The following DCC variants were observed in gnomAD, a reference collection of about 807,000 sequenced individuals.
The protein encoded by DCC is netrin receptor DCC.
Under a neutral mutation model 172.5 loss-of-function variants are expected in DCC, and 58 were observed. The ratio of observed to expected loss-of-function variants is 0.34; its 90% CI spans 0.27 to 0.42. The LOEUF is 0.42. Ranked by LOEUF, DCC falls within the 10% of genes least tolerant of loss-of-function variation. The pLI, the probability that DCC is intolerant of heterozygous loss-of-function variation, is 1.00. For missense variants in DCC, 1,740 were observed against 1,791.0 expected (o/e 0.97, Z 0.51); for synonymous variants, 709 against 644.5 (o/e 1.10, Z -1.52).
chr18:52,822,397 T>C (rs1478755059), intron 2 of DCC, among the ~76,000 whole-genome samples: 1 of 152,192 alleles, frequency 6.6e-6, no homozygotes. Flanking sequence ...ATAATCCACC[T>C]AGTTTCAGGC....
At position 52,899,761 on chromosome 18, in the gene DCC, G is replaced by T. The variant is rs1371602596; in HGVS notation, c.413-6283G>T. 2.0e-5 allele frequency among the ~76,000 whole-genome samples: 3 copies of T among 152,012 alleles called. 1 individual carries two copies. The highest frequency in any genetic ancestry group is 4.4e-5 in the Non-Finnish European group (3 of 67,998). ...TCCTCCCACCTTGGACTGCCAAAGT[G>T]TTGGGATTATAGGCATAAGCTACCA... On this transcript the variant is annotated intron_variant, in intron 2 of 28. Transcript: ENST00000442544.
intron 2 of DCC, among the ~76,000 whole-genome samples, chr18:52,760,063 A>G (rs13381756): frequency 0.099 from 15,076 of 152,266 alleles, 954 homozygotes; most frequent in Middle Eastern, 0.22. Context: ...GTCTGTTCTC[A>G]CACTGCTATA....
intron 12 of DCC, among the ~76,000 whole-genome samples, chr18:53,254,293 G>T (rs2144664699): frequency 6.6e-6 from 1 of 152,124 alleles, no homozygotes; most frequent in Admixed American, 6.6e-5. Flanking sequence ...CTTGAAAGAA[G>T]ATAATGGGTT....
At chr18:52,920,539 G>A (rs942485578) in intron 3 of DCC, among the ~76,000 whole-genome samples, 11 of 152,100 alleles carry the variant, frequency 7.2e-5, no homozygotes, top group East Asian at 1.9e-4. Flanking sequence ...AAAAATAATG[G>A]CAATAGCAAA....
intron 7 of DCC, among the ~76,000 whole-genome samples, chr18:53,141,768 T>C (rs746167940): frequency 6.6e-6 from 1 of 152,206 alleles, no homozygotes; most frequent in Non-Finnish European, 1.5e-5. Context: ...CTCCTCTCCA[T>C]GGTTGTGTGT....
intron 14 of DCC, among the ~76,000 whole-genome samples, chr18:53,328,822 G>A (rs1216787354): frequency 6.6e-6 from 1 of 152,116 alleles, no homozygotes; most frequent in Admixed American, 6.5e-5. Flanking sequence ...GCCTGCCTCA[G>A]CCTCCCAGAG....
chr18:52,362,452 C>G (rs185412083), intron 1 of DCC, among the ~76,000 whole-genome samples: 2 of 152,136 alleles, frequency 1.3e-5, no homozygotes, highest in Non-Finnish European at 2.9e-5. Flanking sequence ...ACAAAAAGAT[C>G]GGGGATAAGT....
intron 7 of DCC, among the ~76,000 whole-genome samples, chr18:53,130,707 T>C (rs2043638483): frequency 6.6e-6 from 1 of 151,934 alleles, no homozygotes; most frequent in Admixed American, 6.6e-5. Flanking sequence ...ATCTGTAGGG[T>C]GGGTCCTTTG....
chr18:52,469,110 T>C (rs1198742082), intron 1 of DCC, among the ~76,000 whole-genome samples: 2 of 152,096 alleles, frequency 1.3e-5, no homozygotes, highest in African/African-American at 4.8e-5. Flanking sequence ...CAGGCTGGAG[T>C]GCAGTGGCGC....
chr18:53,075,389 A>G (rs897837434), intron 7 of DCC, among the ~76,000 whole-genome samples: 1 of 152,210 alleles, frequency 6.6e-6, no homozygotes, highest in African/African-American at 2.4e-5. Context: ...ATATGGCTGT[A>G]TGGCAGACTT....
chr18:53,199,599 T>A (rs536781596), intron 9 of DCC, among the ~76,000 whole-genome samples: 186 of 61,396 alleles, frequency 3.0e-3, no homozygotes, highest in African/African-American at 0.011. Flanking sequence ...TTCATATATA[T>A]GTAAGAACAT....
chr18:53,507,240 A>AAAT (rs1378478738), intron 27 of DCC, among the ~76,000 whole-genome samples: 1 of 152,192 alleles, frequency 6.6e-6, no homozygotes, highest in Non-Finnish European at 1.5e-5. Flanking sequence ...CAGCAAGGGG[A>AAAT]AATGTTGAAA....
intron 9 of DCC, among the ~76,000 whole-genome samples, chr18:53,200,326 C>T (rs1431315443): frequency 6.6e-6 from 1 of 152,154 alleles, no homozygotes; most frequent in Non-Finnish European, 1.5e-5. Context: ...CTTTTCTGAT[C>T]CCTTTTAGTA....
At chr18:53,192,903 G>C (rs1223723913) in intron 9 of DCC, among the ~76,000 whole-genome samples, 1 of 152,118 alleles carries the variant, frequency 6.6e-6, no homozygotes, top group African/African-American at 2.4e-5. Flanking sequence ...GAATCACCTA[G>C]CTATGCAAAT....
chr18:52,477,403 C>G (rs1989124898), intron 1 of DCC, among the ~76,000 whole-genome samples: 1 of 152,102 alleles, frequency 6.6e-6, no homozygotes, highest in South Asian at 2.1e-4. Flanking sequence ...ATCTGAATTA[C>G]CATCTTCCTG....
chr18:52,487,666 C>A (rs895478504), intron 1 of DCC, among the ~76,000 whole-genome samples: 7 of 151,806 alleles, frequency 4.6e-5, no homozygotes, highest in Admixed American at 1.3e-4. Flanking sequence ...CAAAAATTAG[C>A]CAGGTGTGCT....
chr18:53,511,678 C>T (rs1056868088), intron 27 of DCC, among the ~76,000 whole-genome samples: 15 of 152,162 alleles, frequency 9.9e-5, no homozygotes, highest in East Asian at 7.7e-4. Context: ...GTTCCCTTTC[C>T]GAGTCAAAGA....
At chr18:52,441,685 C>A (rs1161114251) in intron 1 of DCC, among the ~76,000 whole-genome samples, 1 of 152,082 alleles carries the variant, frequency 6.6e-6, no homozygotes, top group African/African-American at 2.4e-5. Flanking sequence ...GATTACTGAC[C>A]TTTTTTAACC....
intron 14 of DCC, among the ~76,000 whole-genome samples, chr18:53,339,307 G>C (rs1255036270): frequency 6.6e-6 from 1 of 152,110 alleles, no homozygotes; most frequent in Non-Finnish European, 1.5e-5. Flanking sequence ...ATTGTTTTTA[G>C]CTAAATCAGA....
Sources: gnomAD v4.1 joint callset for allele counts (sites outside exome capture counted in the v4.1 genomes callset) on GRCh38, gnomAD v4.1.1 for gene constraint, MANE v1.5 for transcripts, NCBI Gene and HGNC (gene_info 2026-07-23, HGNC 2026-07-21) for gene names.